Variants in SOX13 observed in about 807,000 individuals in gnomAD.
SOX13 encodes SRY-box transcription factor 13, also known as transcription factor SOX-13.
SOX13 carries 28 observed loss-of-function variants against 71.8 expected under a neutral mutation model. The observed-to-expected ratio is 0.39, with a 90% CI of 0.29 to 0.53. The LOEUF (loss-of-function observed/expected upper bound fraction) is 0.53, where lower values mean the gene tolerates loss of function less well. Among genes scored for constraint, SOX13 ranks in the 20% least tolerant of loss-of-function variants. The pLI, the probability that SOX13 is intolerant of heterozygous loss-of-function variation, is 0.70. For synonymous variants in SOX13, 309 were observed against 317.8 expected, an observed-to-expected ratio of 0.97 and a Z score of 0.29; for missense variants, 627 against 810.3, an observed-to-expected ratio of 0.77 and a Z score of 2.75.
chr1:204,104,159 C>T (rs1268770691), intron 1 of SOX13, among the ~76,000 whole-genome samples: 1 of 152,194 alleles, frequency 6.6e-6, no homozygotes, highest in African/African-American at 2.4e-5. Context: ...CCTCTTCTCC[C>T]ATGCTTGGGA....
intron 7 of SOX13, 159 bp from the exon 8 acceptor site, chr1:204,121,741 C>A (rs1656809266): frequency 1.4e-6 from 1 of 692,536 alleles, no homozygotes; most frequent in Non-Finnish European, 2.6e-6. Flanking sequence ...GGGATAGGAG[C>A]CTCCAAGCAG....
Position 204,123,148 on chromosome 1 carries a change from C to A in SOX13, c.1171C>A (p.Arg391=). Residue 391 remains arginine (R), a synonymous_variant, in exon 11 of 14, where the codon CGG becomes AGG. Coordinates refer to ENST00000367204, the MANE Select transcript of SOX13 (RefSeq NM_005686.3). This position sits in a 1 kb window ranked among gnomAD's most constrained non-coding sequence, Gnocchi z 5.0. ...CCTGGACTCATCCCCAGCCAAGGAG[C>A]GGCTGGAGGACGGCTGTGTGCACCC... ...ISLDSSPAKE[R]LEDGCVHPLE... is the part of the protein sequence containing the mutation. 6.2e-7 allele frequency: 1 copy of A among 1,613,620 alleles called. No individual in the cohort carries two copies. The highest frequency in any genetic ancestry group is 1.1e-5 in the South Asian group (1 of 91,076).
chr1:204,083,620 C>A (rs563087074), intron 1 of SOX13, among the ~76,000 whole-genome samples: 2 of 152,302 alleles, frequency 1.3e-5, no homozygotes, highest in Middle Eastern at 3.4e-3. Context: ...TAAGCAGCCG[C>A]GGGGCCTTAC....
chr1:204,124,739 A>G lies in SOX13; in HGVS notation c.1474A>G (p.Lys492Glu). The change falls in exon 13 of 14, where the codon AAG (lysine) becomes GAG (glutamate). Residue 492 changes from lysine to glutamate, a missense_variant. Transcript: ENST00000367204. ...GCACCTGGAGAAGTATCCTGACTAC[A>G]AGTACAAGCCGCGGCCCAAGCGCAC... ...RQHLEKYPDY[K>E]YKPRPKRTCI... is the part of the protein sequence containing the mutation. The G allele has an allele frequency of 6.2e-7, 1 of 1,612,208 alleles. No individual in the cohort carries two copies. Among genetic ancestry groups the G allele is most frequent in the Non-Finnish European group, 8.5e-7 (1 of 1,179,286 alleles).
Position 204,081,306 on chromosome 1 carries a change from G to A in SOX13, c.-2+7595G>A, listed in dbSNP as rs536222372. On this transcript the variant is annotated intron_variant, in intron 1 of 13. Coordinates refer to ENST00000367204, the MANE Select transcript of SOX13 (RefSeq NM_005686.3). This position sits in a 1 kb window ranked among gnomAD's most constrained non-coding sequence, Gnocchi z 4.3. The stretch of plus-strand genomic sequence containing the variant: ...TAATACAACAATGTGTATCACTTTC[G>A]TCATCAGGATGAAAAGGATTTAAAA... 4.6e-5 allele frequency among the ~76,000 whole-genome samples: 7 copies of A among 152,198 alleles called. No homozygotes were observed. The East Asian group carries it at 5.8e-4, about 13-fold the overall frequency.
intron 1 of SOX13, among the ~76,000 whole-genome samples, chr1:204,079,432 G>A (rs574769835): frequency 1.1e-3 from 151 of 137,356 alleles, no homozygotes; most frequent in Admixed American, 2.1e-3. Flanking sequence ...TGCAACCTCC[G>A]CCTTCTGGAT....
At chr1:204,111,079 G>C (rs917697903) in intron 1 of SOX13, among the ~76,000 whole-genome samples, 1 of 152,138 alleles carries the variant, frequency 6.6e-6, no homozygotes, top group Admixed American at 6.5e-5. Context: ...TGAAGCTGCT[G>C]GTCCTTATAC....
chr1:204,120,331 C>T (rs1454229689), intron 7 of SOX13, among the ~76,000 whole-genome samples: 1 of 152,142 alleles, frequency 6.6e-6, no homozygotes. Context: ...GTGATCTGGT[C>T]GGGGATAGGA....
At chr1:204,077,899 C>T (rs1558208086) in intron 1 of SOX13, among the ~76,000 whole-genome samples, 2 of 152,156 alleles carry the variant, frequency 1.3e-5, no homozygotes, top group Non-Finnish European at 2.9e-5. Context: ...GCAACCTCCA[C>T]CTCCTGAGTT....
intron 1 of SOX13, among the ~76,000 whole-genome samples, chr1:204,104,905 A>G (rs1449679911): frequency 6.6e-6 from 1 of 152,018 alleles, no homozygotes; most frequent in Admixed American, 6.5e-5. Flanking sequence ...AACTCCTTTG[A>G]TTCCAATCCA....
At chr1:204,106,957 TTA>T (rs1656483196) in intron 1 of SOX13, among the ~76,000 whole-genome samples, 1 of 152,210 alleles carries the variant, frequency 6.6e-6, no homozygotes, top group Admixed American at 6.5e-5. Context: ...GTTGAGTTTC[TTA>T]TTCCTATTTT....
intron 13 of SOX13, among the ~76,000 whole-genome samples, chr1:204,125,107 G>A (rs560575788): frequency 4.6e-5 from 7 of 152,266 alleles, no homozygotes; most frequent in East Asian, 3.9e-4. Context: ...GACTGGCCAC[G>A]TGGACCTGGA....
At chr1:204,104,672 G>T (rs1656427257) in intron 1 of SOX13, among the ~76,000 whole-genome samples, 1 of 152,236 alleles carries the variant, frequency 6.6e-6, no homozygotes, top group South Asian at 2.1e-4. Flanking sequence ...TTGGGAGTGG[G>T]AGCCAGCAGT....
Position 204,089,765 on chromosome 1 carries a change from G to A in SOX13, c.-2+16054G>A, listed in dbSNP as rs373953347. Among the ~76,000 whole-genome samples, 87 of 152,320 alleles carry A rather than the reference G, an allele frequency of 5.7e-4. 1 individual carries two copies. Among genetic ancestry groups the A allele is most frequent in the African/African-American group, 2.0e-3 (85 of 41,574 alleles). On this transcript the variant is annotated intron_variant, in intron 1 of 13. Transcript: ENST00000367204. ...CTGTGGCACCCTCTCCCCTGAGCTG[G>A]CCTCCACATTGCCCAGGGCTCATCA...
chr1:204,075,701 G>A (rs1455657581), intron 1 of SOX13, among the ~76,000 whole-genome samples: 1 of 152,168 alleles, frequency 6.6e-6, no homozygotes. Flanking sequence ...GCCACTGGCG[G>A]TGTGACTCTG....
chr1:204,087,016 G>T (rs892005080), intron 1 of SOX13, among the ~76,000 whole-genome samples: 1 of 151,876 alleles, frequency 6.6e-6, no homozygotes. Context: ...TCTGCCTCCC[G>T]GGTTCACGCC....
intron 1 of SOX13, among the ~76,000 whole-genome samples, chr1:204,076,781 A>T (rs181268645): frequency 1.1e-3 from 162 of 152,294 alleles, no homozygotes; most frequent in African/African-American, 3.7e-3. Flanking sequence ...TTTAGTCATT[A>T]TGACAACTGG....
intron 1 of SOX13, among the ~76,000 whole-genome samples, chr1:204,098,150 C>G (rs947523593): frequency 2.0e-5 from 3 of 152,168 alleles, no homozygotes; most frequent in Non-Finnish European, 2.9e-5. Flanking sequence ...TGTGAGTCAC[C>G]ATCGCCCAAC....
In SOX13 at chr1:204,117,194, ACCGGAGGGGAGAC is replaced by A; in HGVS notation, c.660+11_660+23del. On this transcript the variant is annotated splice_donor_5th_base_variant and intron_variant, in intron 6 of 13. Coordinates refer to ENST00000367204, the MANE Select transcript of SOX13 (RefSeq NM_005686.3). Reference sequence around the variant, plus strand: ...CCTCCTTCAGCAGCAGATCCAGGTAACCGGAGGGGAGACCCGGAGAGGCACAGGAGGCAGTTGA... The same window carrying A: ...CCTCCTTCAGCAGCAGATCCAGGTAACCGGAGAGGCACAGGAGGCAGTTGA... 6.2e-7 allele frequency: 1 copy of A among 1,613,750 alleles called. No individual in the cohort carries two copies. Among genetic ancestry groups the A allele is most frequent in the South Asian group, 1.1e-5 (1 of 91,072 alleles).
Sources: gnomAD v4.1 joint callset for allele counts (sites outside exome capture counted in the v4.1 genomes callset) on GRCh38, gnomAD v4.1.1 for gene constraint, Gnocchi (gnomAD v3.1) non-coding constraint, MANE v1.5 for transcripts, NCBI Gene and HGNC (gene_info 2026-07-23, HGNC 2026-07-21) for gene names.